Variants in SIX4 observed in about 807,000 individuals in gnomAD.
SIX4 encodes the protein SIX homeobox 4, also known as homeobox protein SIX4.
A neutral mutation model predicts 51.5 loss-of-function variants in SIX4; 23 were observed. That is an observed-to-expected ratio of 0.45 (90% CI 0.32 to 0.63). The LOEUF is 0.63. Among genes scored for constraint, SIX4 ranks in the 30% least tolerant of loss-of-function variants. The pLI, the probability that SIX4 is intolerant of heterozygous loss-of-function variation, is 0.04. For missense variants in SIX4, 867 were observed against 984.0 expected (o/e 0.88, Z 1.59); for synonymous variants, 413 against 417.3 (o/e 0.99, Z 0.13).
Position 60,713,457 on chromosome 14 carries a change from G to C in SIX4, c.2296C>G (p.Leu766Val). 1 of 1,613,832 alleles carries C rather than the reference G, an allele frequency of 6.2e-7. No individual in the cohort carries two copies. Among genetic ancestry groups the C allele is most frequent in the Non-Finnish European group, 8.5e-7 (1 of 1,179,970 alleles). Reference sequence around the variant, plus strand: ...AGCTGGACAGTCTGGAGCTTGGCAAGCTCTTTTTTGTCTGTTTCCAGGTCT... The same window carrying C: ...AGCTGGACAGTCTGGAGCTTGGCAACCTCTTTTTTGTCTGTTTCCAGGTCT... ...CEDLETDKKE[L>V]AKLQTVQLDE... Residue 766 changes from leucine to valine, a missense_variant, in exon 3 of 3, where the codon CTT becomes GTT. Transcript: ENST00000216513.
chr14:60,712,939 C>T lies in SIX4; in HGVS notation c.*468G>A, dbSNP rs149443791. ...GTGTGTGTGCATATATATATGCATG[C>T]TACTTAACTTTAAAAATATGTACCA... On this transcript the variant is annotated 3_prime_UTR_variant, in exon 3 of 3. Transcript: ENST00000216513. 19 of 154,326 alleles carry T rather than the reference C, an allele frequency of 1.2e-4. 1 individual carries two copies. The East Asian group carries it at 3.5e-3, about 28-fold the overall frequency. 9.6% of individuals were successfully genotyped at this position (154,326 alleles called of 1,614,324 possible).
intron 2 of SIX4, chr14:60,718,038 A>G: frequency 4.8e-6 from 1 of 208,608 alleles, no homozygotes. Flanking sequence ...TAATAATAAT[A>G]ATCTTAGTTG....
At chr14:60,721,273 C>A in intron 1 of SIX4, 127 of 310,560 alleles carry the variant, frequency 4.1e-4, no homozygotes, top group Non-Finnish European at 5.4e-4. Flanking sequence ...GGAGAAATAC[C>A]AAATCGGGGT....
At position 60,724,140 on chromosome 14, in the gene SIX4, T is replaced by C; in HGVS notation, c.-66A>G. 6.2e-7 allele frequency: 1 copy of C among 1,607,032 alleles called. No homozygotes were observed. The highest frequency in any genetic ancestry group is 1.1e-5 in the South Asian group (1 of 90,454). On this transcript the variant is annotated 5_prime_UTR_variant, in exon 1 of 3. Transcript: ENST00000216513. The stretch of plus-strand genomic sequence containing the variant: ...CTCTTTTCCTCTTTCTTTCCTCCTC[T>C]CTTACTCCTCCTCCTTCGTCTCCCT...
chr14:60,713,118 A>G lies in SIX4; in HGVS notation c.*289T>C, dbSNP rs1490675721. 1.4e-5 allele frequency: 4 copies of G among 276,020 alleles called. No individual in the cohort carries two copies. Among genetic ancestry groups the G allele is most frequent in the Admixed American group, 4.8e-5 (1 of 21,022 alleles). 17.1% of individuals were successfully genotyped at this position (276,020 alleles called of 1,614,324 possible). On this transcript the variant is annotated 3_prime_UTR_variant, in exon 3 of 3. Coordinates refer to ENST00000216513, the MANE Select transcript of SIX4 (RefSeq NM_017420.5). ...TATCAAGTTCCATTTTGACCTTAGAATTATAGAGTCAACTAAATGATTCAC... is the reference window on the plus strand; with the variant it reads ...TATCAAGTTCCATTTTGACCTTAGAGTTATAGAGTCAACTAAATGATTCAC...
chr14:60,723,865 C>T lies in SIX4; in HGVS notation c.210G>A (p.Gly70=). ...CTCCGGCCGCCGCCGCCGCCACTGCCCCTTCCTCTCCGCTCACCCTGGCGG... is the reference window on the plus strand; with the variant it reads ...CTCCGGCCGCCGCCGCCGCCACTGCTCCTTCCTCTCCGCTCACCCTGGCGG... ...TAAARVSGEE[G]AVAAAAAGAA... Residue 70 remains glycine, a synonymous_variant, in exon 1 of 3, where the codon GGG becomes GGA. Coordinates refer to ENST00000216513, the MANE Select transcript of SIX4 (RefSeq NM_017420.5). The T allele has an allele frequency of 1.3e-6, 2 of 1,543,456 alleles. No homozygotes were observed. Among genetic ancestry groups the T allele is most frequent in the Non-Finnish European group, 1.7e-6 (2 of 1,158,562 alleles).
In SIX4 at chr14:60,719,986, A is replaced by C; in HGVS notation, c.1323T>G (p.Pro441=). 6.2e-7 allele frequency: 1 copy of C among 1,614,220 alleles called. No individual in the cohort carries two copies. ...ATTTSYSPSV[P]VSFPGLIPST... ...TGGGTATCAGGCCTGGGAATGAGACAGGGACACTGGGGCTGTAGGACGTGG... is the reference window on the plus strand; with the variant it reads ...TGGGTATCAGGCCTGGGAATGAGACCGGGACACTGGGGCTGTAGGACGTGG... Residue 441 remains proline, a synonymous_variant, in exon 2 of 3, where the codon CCT becomes CCG. Transcript: ENST00000216513. The surrounding 1 kb of genome is among the most constrained non-coding windows in gnomAD (Gnocchi z 4.9).
At position 60,719,855 on chromosome 14, in the gene SIX4, T is replaced by C; in HGVS notation, c.1454A>G (p.Gln485Arg). The C allele has an allele frequency of 1.2e-6, 2 of 1,614,222 alleles. No homozygotes were observed. ...GCTGTTTGCTCCGGAATTGGGGATC[T>C]GGACAATGCCATACTGGTTAATTTG... ...PVQINQYGIV[Q>R]IPNSGANSQF... is the part of the protein sequence containing the mutation. The change falls in exon 2 of 3, where the codon CAG becomes CGG. Residue 485 changes from glutamine (Q) to arginine (R), a missense_variant. Coordinates refer to ENST00000216513, the MANE Select transcript of SIX4 (RefSeq NM_017420.5). This position sits in a 1 kb window ranked among gnomAD's most constrained non-coding sequence, Gnocchi z 4.9.
In SIX4 at chr14:60,720,042, C is replaced by T. The variant is rs143336634; in HGVS notation, c.1267G>A (p.Val423Ile). ...GCTGAGTTAGCAGAACTCTGGAGGA[C>T]TTTGAATTCCTTCACGTCCTGGGAA... ...STSQDVKEFK[V>I]LQSSANSATT... is the part of the protein sequence containing the mutation. Residue 423 changes from valine (V) to isoleucine (I), a missense_variant, in exon 2 of 3, where the codon GTC (valine) becomes ATC (isoleucine). By Grantham distance (29) the Val-to-Ile change is conservative. Coordinates refer to ENST00000216513, the MANE Select transcript of SIX4 (RefSeq NM_017420.5). The surrounding 1 kb of genome is among the most constrained non-coding windows in gnomAD (Gnocchi z 5.5). The T allele has an allele frequency of 6.6e-5, 106 of 1,614,078 alleles. No individual in the cohort carries two copies. The highest frequency in any genetic ancestry group is 8.8e-5 in the Non-Finnish European group (104 of 1,180,038).
At position 60,714,120 on chromosome 14, in the gene SIX4, A is replaced by G. The variant is rs1895874618; in HGVS notation, c.1633T>C (p.Leu545=). 1.2e-6 allele frequency: 2 copies of G among 1,614,028 alleles called. No individual in the cohort carries two copies. Among genetic ancestry groups the G allele is most frequent in the Admixed American group, 1.7e-5 (1 of 60,016 alleles). The change falls in exon 3 of 3, where the codon TTG becomes CTG. Residue 545 remains leucine (L), a synonymous_variant. Transcript: ENST00000216513. ...STTVQQGKVF[L]SSLAPSAVVY... The stretch of plus-strand genomic sequence containing the variant: ...ACTGCACTGGGAGCAAGAGAGCTCA[A>G]GAAAACCTTTCCTTGCTGGACTGTG...
Position 60,719,811 on chromosome 14 carries a change from T to C in SIX4, c.1498A>G (p.Ile500Val). The C allele has an allele frequency of 6.2e-7, 1 of 1,614,234 alleles. No homozygotes were observed. Among genetic ancestry groups the C allele is most frequent in the South Asian group, 1.1e-5 (1 of 91,084 alleles). ...GGCAGCTGCAGTGGAGAGAATCCAA[T>C]GCTCCCATTAAGGAACTGGCTGTTT... ...GANSQFLNGS[I>V]GFSPLQLPPV... is the part of the protein sequence containing the mutation. The change falls in exon 2 of 3, where the codon ATT (isoleucine) becomes GTT (valine). Residue 500 changes from isoleucine to valine, a missense_variant. By Grantham distance (29) the Ile-to-Val change is conservative (BLOSUM62 3). Transcript: ENST00000216513. This position sits in a 1 kb window ranked among gnomAD's most constrained non-coding sequence, Gnocchi z 4.9.
intron 2 of SIX4, among the ~76,000 whole-genome samples, chr14:60,715,331 C>A (rs188255808): frequency 1.8e-4 from 28 of 152,282 alleles, no homozygotes; most frequent in Non-Finnish European, 2.8e-4. Flanking sequence ...GCAGAACTTA[C>A]CACATAAAAT....
Position 60,724,121 on chromosome 14 carries a change from TCC to T in SIX4, c.-49_-48del. ...CCTCCCTCACTCCCTCGCACTCTTT[TCC>T]TCTTTCTTTCCTCCTCTCTTACTCC... On this transcript the variant is annotated 5_prime_UTR_variant, in exon 1 of 3. Transcript: ENST00000216513. 6.3e-7 allele frequency: 1 copy of T among 1,599,872 alleles called. No individual in the cohort carries two copies. Among genetic ancestry groups the T allele is most frequent in the Non-Finnish European group, 8.5e-7 (1 of 1,172,536 alleles).
rs759095594 is a variant in SIX4 at position 60,723,844 on chromosome 14, G to GGCC, written c.228_230dup (p.Ala77dup). 1.4e-3 allele frequency: 2,132 copies of GGCC among 1,523,374 alleles called. 17 individuals carry two copies. In the African/African-American group the frequency reaches 0.023, roughly 17 times the overall value. The allele number at this position is 1,523,374 out of a possible 1,614,324, so 94.4% of individuals were successfully genotyped here. On this transcript the variant is annotated inframe_insertion, in exon 1 of 3. Transcript: ENST00000216513. ...GTTGTACCTGATCCGCCGCCGCTCC[G>GGCC]GCCGCCGCCGCCGCCACTGCCCCTT... is the stretch of plus-strand genomic sequence containing the variant.
Position 60,723,783 on chromosome 14 carries a change from C to A in SIX4, c.292G>T (p.Ala98Ser), listed in dbSNP as rs1896083422. The A allele has an allele frequency of 2.0e-6, 3 of 1,536,630 alleles. No individual in the cohort carries two copies. The African/African-American group carries it at 4.1e-5, about 21-fold the overall frequency. ...AGCGGGGTCTGCGCGGCGGCGGCGG[C>A]GGCGTGGTGGTGCCTGCCCAGAAGT... is the stretch of plus-strand genomic sequence containing the variant. ...SELLGRHHHA[A>S]AAAAQTPLAF... The change falls in exon 1 of 3, where the codon GCC (alanine) becomes TCC (serine). Residue 98 changes from alanine to serine, a missense_variant. Transcript: ENST00000216513.
At chr14:60,721,609 G>A (rs1230919894) in intron 1 of SIX4, among the ~76,000 whole-genome samples, 1 of 151,940 alleles carries the variant, frequency 6.6e-6, no homozygotes, top group Non-Finnish European at 1.5e-5. Context: ...CTGGGCCGGC[G>A]GCGGGGTGGG....
Position 60,713,269 on chromosome 14 carries a change from A to T in SIX4, c.*138T>A, listed in dbSNP as rs1171449488. Reference sequence around the variant, plus strand: ...ATACTTAACTGTGATCTTCATGCAGATCAATCTAAAGTCTCTTGTATGCAT... The same window carrying T: ...ATACTTAACTGTGATCTTCATGCAGTTCAATCTAAAGTCTCTTGTATGCAT... On this transcript the variant is annotated 3_prime_UTR_variant, in exon 3 of 3. Coordinates refer to ENST00000216513, the MANE Select transcript of SIX4 (RefSeq NM_017420.5). The T allele has an allele frequency of 4.9e-6, 4 of 809,540 alleles. No homozygotes were observed. The African/African-American group carries it at 6.9e-5, about 14-fold the overall frequency. 50.1% of individuals were successfully genotyped at this position (809,540 alleles called of 1,614,324 possible). A position where few individuals can be genotyped will look rare whatever the true frequency, so the allele number is the denominator to read the frequency against.
chr14:60,713,679 C>T lies in SIX4; in HGVS notation c.2074G>A (p.Ala692Thr). 6.2e-7 allele frequency: 1 copy of T among 1,614,202 alleles called. No homozygotes were observed. Among genetic ancestry groups the T allele is most frequent in the Non-Finnish European group, 8.5e-7 (1 of 1,180,032 alleles). Residue 692 changes from alanine to threonine, a missense_variant, in exon 3 of 3, where the codon GCT becomes ACT. Transcript: ENST00000216513. ...GAGGGGTGACCTACCTGATCTTCAG[C>T]TGTAGGAACTATTTCCCCAAGGGCA... Reference protein sequence around the residue: ...QAALGEIVPTAEDQVGHPSPA... With the variant: ...QAALGEIVPTTEDQVGHPSPA...
In SIX4 at chr14:60,724,306, G is replaced by T; in HGVS notation, c.-232C>A. The T allele has an allele frequency of 6.6e-7, 1 of 1,515,680 alleles. No homozygotes were observed. Among genetic ancestry groups the T allele is most frequent in the Non-Finnish European group, 8.8e-7 (1 of 1,134,072 alleles). The allele number at this position is 1,515,680 out of a possible 1,614,324, so 93.9% of individuals were successfully genotyped here. ...TAGTGTAAACGGATAGCTGCTTTCTGCCGTTCCCCCAACGTGACTCCTCCG... is the reference window on the plus strand; with the variant it reads ...TAGTGTAAACGGATAGCTGCTTTCTTCCGTTCCCCCAACGTGACTCCTCCG... On this transcript the variant is annotated 5_prime_UTR_variant, in exon 1 of 3. Coordinates refer to ENST00000216513, the MANE Select transcript of SIX4 (RefSeq NM_017420.5).
Sources: gnomAD v4.1 joint callset for allele counts (sites outside exome capture counted in the v4.1 genomes callset) on GRCh38, gnomAD v4.1.1 for gene constraint, Gnocchi (gnomAD v3.1) non-coding constraint, MANE v1.5 for transcripts, NCBI Gene and HGNC (gene_info 2026-07-23, HGNC 2026-07-21) for gene names.